Variants in SLC9A7 observed in about 807,000 individuals in gnomAD.
SLC9A7 encodes the protein sodium/hydrogen exchanger 7.
A neutral mutation model predicts 52.6 loss-of-function variants in SLC9A7; 19 were observed. That is an observed-to-expected ratio of 0.36 (90% CI 0.25 to 0.53). SLC9A7 has a LOEUF of 0.53. SLC9A7 is among the 20% of genes least tolerant of loss of function. The probability of loss-of-function intolerance (pLI) is 0.91; values close to 1 mark genes in which losing one functional copy is unlikely to be tolerated. For synonymous variants in SLC9A7, 226 were observed against 252.1 expected (o/e 0.90, Z 0.98); for missense variants, 455 against 597.9 (o/e 0.76, Z 2.49).
chrX:46,655,254 G>C (rs1032544686), intron 7 of SLC9A7, among the ~76,000 whole-genome samples: 1 of 111,168 alleles, frequency 9.0e-6, no homozygotes, highest in Non-Finnish European at 1.9e-5. Context: ...CAAAGTGCTG[G>C]GATTACAGGT....
Position 46,727,130 on chromosome X carries a change from C to A in SLC9A7, c.325+31575G>T, listed in dbSNP as rs184927851. 3.6e-5 allele frequency among the ~76,000 whole-genome samples: 4 copies of A among 111,738 alleles called. 1 individual carries two copies. In the Admixed American group the frequency reaches 3.8e-4, roughly 11 times the overall value. On this transcript the variant is annotated intron_variant, in intron 1 of 16. Transcript: ENST00000616978. ...CTTTTTAATGGAATGCAGCCTTGGGCCCCAAAAGGGCAATCAAGGTCCCCC... is the reference window on the plus strand; with the variant it reads ...CTTTTTAATGGAATGCAGCCTTGGGACCCAAAAGGGCAATCAAGGTCCCCC...
At position 46,736,529 on chromosome X, in the gene SLC9A7, G is replaced by A. The variant is rs1945124796; in HGVS notation, c.325+22176C>T. Among the ~76,000 whole-genome samples the A allele has an allele frequency of 1.1e-4, 12 of 111,576 alleles. No homozygotes were observed. The South Asian group carries it at 4.5e-3, about 42-fold the overall frequency. ...ATATTTTGTATCAAAATGGTACTGAGGTAAATATTTTTTATACTTGAAGAT... is the reference window on the plus strand; with the variant it reads ...ATATTTTGTATCAAAATGGTACTGAAGTAAATATTTTTTATACTTGAAGAT... On this transcript the variant is annotated intron_variant, in intron 1 of 16. Transcript: ENST00000616978.
chrX:46,750,767 A>G (rs1170375934), intron 1 of SLC9A7, among the ~76,000 whole-genome samples: 2 of 112,187 alleles, frequency 1.8e-5, no homozygotes, highest in Non-Finnish European at 3.8e-5. Flanking sequence ...TTCTACTATT[A>G]TTTTATTAGA....
intron 1 of SLC9A7, among the ~76,000 whole-genome samples, chrX:46,718,899 A>G (rs1409828331): frequency 8.9e-6 from 1 of 112,011 alleles, no homozygotes; most frequent in Non-Finnish European, 1.9e-5. Context: ...TGATTCCTCA[A>G]GGATCTAGAA....
intron 7 of SLC9A7, among the ~76,000 whole-genome samples, chrX:46,660,111 C>A (rs1204044234): frequency 2.8e-5 from 3 of 108,080 alleles, no homozygotes; most frequent in Non-Finnish European, 5.8e-5. Flanking sequence ...GAAAAACAAG[C>A]AATGGGGAAA....
intron 7 of SLC9A7, among the ~76,000 whole-genome samples, chrX:46,653,987 C>A (rs964236929): frequency 1.8e-5 from 2 of 111,413 alleles, no homozygotes; most frequent in African/African-American, 6.5e-5. Flanking sequence ...TGAAAAAATT[C>A]TGAAAGTAGA....
chrX:46,664,529 A>C (rs1284075728), intron 5 of SLC9A7, among the ~76,000 whole-genome samples: 1 of 111,427 alleles, frequency 9.0e-6, no homozygotes, highest in African/African-American at 3.3e-5. Context: ...ATTATAAGCC[A>C]ACCAGTCTTG....
At chrX:46,617,995 A>G (rs1942980193) in intron 15 of SLC9A7, among the ~76,000 whole-genome samples, 1 of 111,655 alleles carries the variant, frequency 9.0e-6, no homozygotes, top group South Asian at 3.8e-4. Flanking sequence ...ACAAAATAAA[A>G]TAAGACAAAA....
At chrX:46,685,778 T>C (rs1199506616) in intron 1 of SLC9A7, 7 of 112,148 alleles carry the variant, frequency 6.2e-5, no homozygotes, top group Non-Finnish European at 1.3e-4. Flanking sequence ...AAGACGACTC[T>C]AGCCCTTCAA....
chrX:46,639,146 A>C (rs1039489182), intron 12 of SLC9A7, among the ~76,000 whole-genome samples: 1 of 112,211 alleles, frequency 8.9e-6, no homozygotes, highest in Non-Finnish European at 1.9e-5. Context: ...ATATTTGATA[A>C]AATTCAATAC....
At chrX:46,719,510 C>T (rs914122151) in intron 1 of SLC9A7, among the ~76,000 whole-genome samples, 12 of 111,194 alleles carry the variant, frequency 1.1e-4, no homozygotes, top group Non-Finnish European at 1.9e-4. Context: ...AATATATGAG[C>T]ATAATAAATA....
intron 3 of SLC9A7, among the ~76,000 whole-genome samples, chrX:46,673,530 T>C (rs953126357): frequency 2.7e-5 from 3 of 112,002 alleles, no homozygotes; most frequent in African/African-American, 9.7e-5. Context: ...GCCATTCTCA[T>C]TTGACAATCA....
intron 4 of SLC9A7, among the ~76,000 whole-genome samples, chrX:46,672,330 A>AG (rs751980513): frequency 1.2e-4 from 13 of 112,023 alleles, no homozygotes; most frequent in Non-Finnish European, 2.3e-4. Context: ...AAGAATGATA[A>AG]CAGAAACCAA....
At chrX:46,657,337 A>T (rs1237536127) in intron 7 of SLC9A7, among the ~76,000 whole-genome samples, 1 of 108,878 alleles carries the variant, frequency 9.2e-6, no homozygotes, top group Non-Finnish European at 1.9e-5. Context: ...TAACCAGCTA[A>T]CATCATAATG....
At chrX:46,668,238 G>A (rs908724012) in intron 5 of SLC9A7, among the ~76,000 whole-genome samples, 17 of 112,260 alleles carry the variant, frequency 1.5e-4, no homozygotes, top group East Asian at 2.8e-4. Flanking sequence ...AGCCGGGCAC[G>A]GTGGCTCACG....
intron 16 of SLC9A7, among the ~76,000 whole-genome samples, chrX:46,611,256 G>T (rs1038065835): frequency 2.2e-4 from 25 of 112,043 alleles, no homozygotes; most frequent in African/African-American, 8.1e-4. Context: ...TAATCTATTG[G>T]TTTGTGTCCT....
At chrX:46,733,600 G>A (rs1361227714) in intron 1 of SLC9A7, among the ~76,000 whole-genome samples, 2 of 111,549 alleles carry the variant, frequency 1.8e-5, no homozygotes, top group Admixed American at 1.9e-4. Flanking sequence ...TATGATACTA[G>A]CATGATGGAG....
chrX:46,620,365 G>A (rs757761678), intron 15 of SLC9A7, among the ~76,000 whole-genome samples: 1 of 111,874 alleles, frequency 8.9e-6, no homozygotes, highest in South Asian at 3.7e-4. Flanking sequence ...AGGTTGCAGT[G>A]AGCTGAGTGC....
chrX:46,752,442 G>T (rs907003399), intron 1 of SLC9A7, among the ~76,000 whole-genome samples: 4 of 111,246 alleles, frequency 3.6e-5, no homozygotes, highest in Admixed American at 2.9e-4. Context: ...CCTTAATCTA[G>T]AACACTCACC....
Sources: allele counts gnomAD v4.1 joint callset (sites outside exome capture counted in the v4.1 genomes callset), GRCh38; gene constraint gnomAD v4.1.1; transcripts MANE v1.5; gene names NCBI Gene and HGNC (gene_info 2026-07-23, HGNC 2026-07-21).